The following IL6ST variants were observed in gnomAD, a reference collection of about 807,000 sequenced individuals.
IL6ST encodes the protein interleukin-6 receptor subunit beta.
In IL6ST, 24 loss-of-function variants were observed where a neutral mutation model predicts 91.3. That is an observed-to-expected ratio of 0.26 (90% CI 0.19 to 0.37). The LOEUF (loss-of-function observed/expected upper bound fraction) is 0.37, where lower values mean the gene tolerates loss of function less well. IL6ST is among the 10% of genes least tolerant of loss of function. IL6ST has a pLI of 1.00. For synonymous variants in IL6ST, 351 were observed against 373.6 expected, an observed-to-expected ratio of 0.94 and a Z score of 0.70; for missense variants, 914 against 1,078.5, an observed-to-expected ratio of 0.85 and a Z score of 2.14.
Position 55,940,996 on chromosome 5 carries a change from C to G in IL6ST, c.*86G>C. ...AATGATCATCTTCAGAGAGTGAAGA[C>G]TTTTTAAAATCTGAATTCACAGATA... On this transcript the variant is annotated 3_prime_UTR_variant, in exon 17 of 17. Coordinates refer to ENST00000381298, the MANE Select transcript of IL6ST (RefSeq NM_002184.4). 1 of 1,367,802 alleles carries G rather than the reference C, an allele frequency of 7.3e-7. No homozygotes were observed. Among genetic ancestry groups the G allele is most frequent in the South Asian group, 1.4e-5 (1 of 70,094 alleles). 84.7% of individuals were successfully genotyped at this position (1,367,802 alleles called of 1,614,324 possible).
At chr5:55,975,100 A>C (rs533929499) in intron 3 of IL6ST, among the ~76,000 whole-genome samples, 1 of 152,170 alleles carries the variant, frequency 6.6e-6, no homozygotes, top group South Asian at 2.1e-4. Context: ...CTCCTGGCTC[A>C]GCCTCCTGAG....
At position 55,941,242 on chromosome 5, in the gene IL6ST, T is replaced by G; in HGVS notation, c.2597A>C (p.Lys866Thr). The change falls in exon 17 of 17, where the codon AAA becomes ACA. Residue 866 changes from lysine to threonine, a missense_variant. Transcript: ENST00000381298. ...TGCTGCAGAAACTTCCTGAAACATT[T>G]TCATTTGCCCAGATCCACAGGATTG... is the stretch of plus-strand genomic sequence containing the variant. Reference protein sequence around the residue: ...ISQSCGSGQMKMFQEVSAADA... With the variant: ...ISQSCGSGQMTMFQEVSAADA... The G allele has an allele frequency of 6.2e-7, 1 of 1,614,192 alleles. No individual in the cohort carries two copies. The highest frequency in any genetic ancestry group is 8.5e-7 in the Non-Finnish European group (1 of 1,180,006).
At chr5:55,952,799 C>T (rs189965573) in intron 11 of IL6ST, among the ~76,000 whole-genome samples, 2 of 152,162 alleles carry the variant, frequency 1.3e-5, no homozygotes, top group African/African-American at 2.4e-5. Context: ...CTGTGGCTCA[C>T]GTCTGTAATC....
intron 1 of IL6ST, among the ~76,000 whole-genome samples, chr5:55,991,357 T>C (rs1407795395): frequency 6.6e-6 from 1 of 152,218 alleles, no homozygotes; most frequent in East Asian, 1.9e-4. Context: ...CCTAAGTCAA[T>C]GGAGTCCATC....
intron 7 of IL6ST, among the ~76,000 whole-genome samples, chr5:55,961,323 G>A (rs1010835322): frequency 6.6e-6 from 1 of 152,144 alleles, no homozygotes; most frequent in Non-Finnish European, 1.5e-5. Flanking sequence ...AGAGTATATG[G>A]AATCCTTAGA....
chr5:55,972,279 G>A (rs915585709), intron 3 of IL6ST, among the ~76,000 whole-genome samples: 8 of 152,138 alleles, frequency 5.3e-5, no homozygotes, highest in South Asian at 2.1e-4. Flanking sequence ...TTGGGAGGCC[G>A]AGGTGGGTGG....
Position 55,939,228 on chromosome 5 carries a change from T to C in IL6ST, c.*1854A>G, listed in dbSNP as rs1052167664. On this transcript the variant is annotated 3_prime_UTR_variant, in exon 17 of 17. Transcript: ENST00000381298. ...GATGTCATTATCTTGTTGTGTAAATTTGGGTCTATCCCTACCTTTACTTCT... is the reference window on the plus strand; with the variant it reads ...GATGTCATTATCTTGTTGTGTAAATCTGGGTCTATCCCTACCTTTACTTCT... 1.4e-5 allele frequency: 3 copies of C among 214,690 alleles called. No homozygotes were observed. The highest frequency in any genetic ancestry group is 1.9e-5 in the Non-Finnish European group (2 of 106,268). The allele number at this position is 214,690 out of a possible 1,614,324, so 13.3% of individuals were successfully genotyped here. A position where few individuals can be genotyped will look rare whatever the true frequency, so the allele number is the denominator to read the frequency against.
intron 2 of IL6ST, among the ~76,000 whole-genome samples, chr5:55,980,864 G>C (rs1054438623): frequency 3.9e-5 from 6 of 152,034 alleles, no homozygotes; most frequent in Admixed American, 3.3e-4. Context: ...CCCTAATCAT[G>C]TAACAGCTTG....
At chr5:55,989,931 G>A (rs1754214623) in intron 1 of IL6ST, among the ~76,000 whole-genome samples, 1 of 151,862 alleles carries the variant, frequency 6.6e-6, no homozygotes, top group Non-Finnish European at 1.5e-5. Flanking sequence ...CTGAAACATA[G>A]CTCTGATTAA....
At chr5:55,945,167 T>C (rs975592939) in intron 15 of IL6ST, among the ~76,000 whole-genome samples, 3 of 151,664 alleles carry the variant, frequency 2.0e-5, no homozygotes, top group African/African-American at 7.3e-5. Context: ...TTAAAATGTA[T>C]ATGAAAAGGC....
chr5:55,942,074 T>C (rs1750957026), intron 16 of IL6ST, among the ~76,000 whole-genome samples: 1 of 152,226 alleles, frequency 6.6e-6, no homozygotes, highest in Non-Finnish European at 1.5e-5. Context: ...CTAGGCAGCC[T>C]AGGATTAACT....
chr5:55,966,217 G>A (rs1242673567), intron 5 of IL6ST, among the ~76,000 whole-genome samples: 5 of 152,100 alleles, frequency 3.3e-5, no homozygotes, highest in African/African-American at 7.2e-5. Context: ...ATTAAATTTC[G>A]GAAACATTCT....
At chr5:55,945,105 T>G (rs1214057013) in intron 15 of IL6ST, among the ~76,000 whole-genome samples, 2 of 148,682 alleles carry the variant, frequency 1.3e-5, no homozygotes, top group Non-Finnish European at 3.0e-5. Flanking sequence ...GACCTATAGA[T>G]TCAATAAAAT....
At position 55,965,587 on chromosome 5, in the gene IL6ST, CAG is replaced by C. The variant is rs918582505; in HGVS notation, c.492-1277_492-1276del. On this transcript the variant is annotated intron_variant, in intron 5 of 16. Transcript: ENST00000381298. The stretch of plus-strand genomic sequence containing the variant: ...AATATTATTTCACACTAAATGAAAC[CAG>C]AGAGTTTTGGGAAAAGGTTGATTCC... Among the ~76,000 whole-genome samples the C allele has an allele frequency of 9.7e-4, 148 of 152,032 alleles. 1 individual carries two copies. Among genetic ancestry groups the C allele is most frequent in the African/African-American group, 3.2e-3 (133 of 41,484 alleles).
intron 3 of IL6ST, among the ~76,000 whole-genome samples, chr5:55,975,765 G>C (rs1753252256): frequency 6.6e-6 from 1 of 152,134 alleles, no homozygotes. Context: ...AGAATGATTA[G>C]ATATCTGGGT....
At chr5:55,991,183 AGT>A (rs1234293409) in intron 1 of IL6ST, among the ~76,000 whole-genome samples, 6 of 152,348 alleles carry the variant, frequency 3.9e-5, no homozygotes, top group Non-Finnish European at 8.8e-5. Flanking sequence ...TATTGTGAAT[AGT>A]GCTGCAATAA....
At chr5:55,994,542 C>G (rs1162422525) in intron 1 of IL6ST, among the ~76,000 whole-genome samples, 1 of 151,946 alleles carries the variant, frequency 6.6e-6, no homozygotes, top group Admixed American at 6.6e-5. Flanking sequence ...GGGGTGCGTG[C>G]GTGCGCCTGG....
chr5:55,952,466 C>T, intron 11 of IL6ST, 115 bp from the exon 12 acceptor site: 1 of 579,512 alleles, frequency 1.7e-6, no homozygotes, highest in South Asian at 2.9e-5. Flanking sequence ...TTTAAAACTG[C>T]AGTTTTCTAA....
At chr5:55,943,439 G>A (rs549890563) in intron 15 of IL6ST, among the ~76,000 whole-genome samples, 1 of 152,098 alleles carries the variant, frequency 6.6e-6, no homozygotes, top group Non-Finnish European at 1.5e-5. Flanking sequence ...AAACAGAGGA[G>A]GTAACATGTT....
Sources: gnomAD v4.1 joint callset for allele counts (sites outside exome capture counted in the v4.1 genomes callset) on GRCh38, gnomAD v4.1.1 for gene constraint, MANE v1.5 for transcripts, NCBI Gene and HGNC (gene_info 2026-07-23, HGNC 2026-07-21) for gene names.